PKHD1: variants seen among roughly 807,000 people sequenced by gnomAD.
PKHD1 encodes the protein PKHD1 ciliary IPT domain containing fibrocystin/polyductin, also known as fibrocystin.
PKHD1 carries 291 observed loss-of-function variants against 412.0 expected under a neutral mutation model. That is an observed-to-expected ratio of 0.71 (90% CI 0.64 to 0.78). PKHD1 has a LOEUF of 0.78. Among genes scored for constraint, PKHD1 ranks in the 30% least tolerant of loss-of-function variants. PKHD1 has a pLI of 0.00. For synonymous variants in PKHD1, 1,777 were observed against 1,821.5 expected, an observed-to-expected ratio of 0.98 and a Z score of 0.62; for missense variants, 4,825 against 4,950.7, an observed-to-expected ratio of 0.97 and a Z score of 0.76.
rs558621489 is a variant in PKHD1 at position 51,638,253 on chromosome 6, T to C, written c.11506+596A>G. 5.3e-5 allele frequency among the ~76,000 whole-genome samples: 8 copies of C among 152,330 alleles called. No homozygotes were observed. In the East Asian group the frequency reaches 1.5e-3, roughly 29 times the overall value. ...GATCACTATCTCCCAAATGCTCTTTTAATTAGTTTTCTTATCTTCTGATTT... is the reference window on the plus strand; with the variant it reads ...GATCACTATCTCCCAAATGCTCTTTCAATTAGTTTTCTTATCTTCTGATTT... On this transcript the variant is annotated intron_variant, in intron 64 of 66. Transcript: ENST00000371117.
At chr6:51,628,193 C>T (rs1234536309) in intron 65 of PKHD1, among the ~76,000 whole-genome samples, 1 of 152,008 alleles carries the variant, frequency 6.6e-6, no homozygotes, top group Non-Finnish European at 1.5e-5. Flanking sequence ...GAACATAGTA[C>T]CAAATAGGCA....
At chr6:51,677,941 T>C (rs1362434837) in intron 60 of PKHD1, among the ~76,000 whole-genome samples, 1 of 152,216 alleles carries the variant, frequency 6.6e-6, no homozygotes, top group Non-Finnish European at 1.5e-5. Context: ...ATAATTGTTT[T>C]ACTAGGGTAA....
chr6:51,676,141 T>C (rs1277635720), intron 60 of PKHD1, among the ~76,000 whole-genome samples: 1 of 151,422 alleles, frequency 6.6e-6, no homozygotes, highest in Non-Finnish European at 1.5e-5. Context: ...TTTGTGTCAA[T>C]ATTTGTCCTT....
chr6:51,675,075 ATCC>A (rs1481250262), intron 60 of PKHD1, among the ~76,000 whole-genome samples: 21 of 152,116 alleles, frequency 1.4e-4, no homozygotes, highest in Admixed American at 6.5e-5. Flanking sequence ...CCTTTAATCA[ATCC>A]TCCTATTTTA....
intron 52 of PKHD1, among the ~76,000 whole-genome samples, chr6:51,813,468 C>T (rs986698149): frequency 6.6e-6 from 1 of 152,046 alleles, no homozygotes; most frequent in African/African-American, 2.4e-5. Flanking sequence ...ATGCCATAGC[C>T]TTCTATGGCC....
rs1235586941 is a variant in PKHD1 at position 51,871,403 on chromosome 6, G to C, written c.7351-764C>G. Reference sequence around the variant, plus strand: ...TTAGATGAATCCCAATGGCATTCAGGAGTGAAGGAAGCCAGTCCCAAAAGG... The same window carrying C: ...TTAGATGAATCCCAATGGCATTCAGCAGTGAAGGAAGCCAGTCCCAAAAGG... On this transcript the variant is annotated intron_variant, in intron 46 of 66. Coordinates refer to ENST00000371117, the MANE Select transcript of PKHD1 (RefSeq NM_138694.4). Among the ~76,000 whole-genome samples, 2 of 65,826 alleles carry C rather than the reference G, an allele frequency of 3.0e-5. 1 individual carries two copies. The highest frequency in any genetic ancestry group is 8.5e-5 in the African/African-American group (2 of 23,664). The allele number at this position is 65,826 out of a possible 152,430, so 43.2% of individuals were successfully genotyped here.
At position 51,796,431 on chromosome 6, in the gene PKHD1, A is replaced by T. The variant is rs1241032756; in HGVS notation, c.8303-5058T>A. Among the ~76,000 whole-genome samples, 3 of 61,498 alleles carry T rather than the reference A, an allele frequency of 4.9e-5. No homozygotes were observed. The East Asian group carries it at 7.2e-3, about 147-fold the overall frequency. The allele number at this position is 61,498 out of a possible 152,430, so 40.3% of individuals were successfully genotyped here. On this transcript the variant is annotated intron_variant, in intron 52 of 66. Transcript: ENST00000371117. ...AATCTAGCTAGCAGTCTATTTAATT[A>T]GTTTTTTTTTCAAAAAAATCCTAGA...
At chr6:51,673,515 T>A (rs1775341392) in intron 60 of PKHD1, among the ~76,000 whole-genome samples, 1 of 152,244 alleles carries the variant, frequency 6.6e-6, no homozygotes, top group African/African-American at 2.4e-5. Context: ...GTTCTTTGCA[T>A]AGTCTTTGTT....
rs201432731 is a variant in PKHD1, at chr6:52,050,242, C to T, written c.2194G>A (p.Val732Ile). 1.9e-6 allele frequency: 3 copies of T among 1,614,222 alleles called. No homozygotes were observed. Among genetic ancestry groups the T allele is most frequent in the Non-Finnish European group, 2.5e-6 (3 of 1,180,014 alleles). The change falls in exon 22 of 67, where the codon GTC becomes ATC. Residue 732 changes from valine (V) to isoleucine (I), a missense_variant. Coordinates refer to ENST00000371117, the MANE Select transcript of PKHD1 (RefSeq NM_138694.4). ...ACCGGAGGGGATCCCACCACAGAGA[C>T]TGATTCCACCAGATTGCCCCCTGGG... ...ARPGGNLVES[V>I]SVVGSPPVYS... is the part of the protein sequence containing the mutation.
intron 35 of PKHD1, among the ~76,000 whole-genome samples, chr6:51,990,200 T>C (rs1374468169): frequency 6.6e-6 from 1 of 151,912 alleles, no homozygotes; most frequent in South Asian, 2.1e-4. Flanking sequence ...TATCAAAGAT[T>C]TTTTTAAAAA....
At chr6:51,887,338 A>C in intron 43 of PKHD1, 93 bp from the exon 44 acceptor site, 3 of 799,164 alleles carry the variant, frequency 3.8e-6, no homozygotes. Context: ...TCCCAATTTT[A>C]TATTCACTTT....
intron 63 of PKHD1, among the ~76,000 whole-genome samples, 182 bp downstream of exon 63, chr6:51,647,849 G>T (rs759637516): frequency 3.4e-4 from 52 of 152,172 alleles, no homozygotes; most frequent in Non-Finnish European, 6.5e-4. Flanking sequence ...AGGATTTGCT[G>T]CCAGCCTAAT....
chr6:51,814,251 T>C (rs1197778079), intron 52 of PKHD1, among the ~76,000 whole-genome samples: 1 of 152,174 alleles, frequency 6.6e-6, no homozygotes, highest in African/African-American at 2.4e-5. Context: ...ACCAGGTACA[T>C]ACACTAGGAG....
In PKHD1 at chr6:51,874,907, C is replaced by A. The variant is rs1433921754; in HGVS notation, c.7351-4268G>T. Among the ~76,000 whole-genome samples, 2 of 88,936 alleles carry A rather than the reference C, an allele frequency of 2.2e-5. 1 individual carries two copies. Among genetic ancestry groups the A allele is most frequent in the Non-Finnish European group, 4.1e-5 (2 of 48,478 alleles). 58.3% of individuals were successfully genotyped at this position (88,936 alleles called of 152,430 possible). ...GTGGGCGCAGGCCAGTGTGTGTGCG[C>A]ACCGTGCGCGAGCCGAAGCAGGGCG... On this transcript the variant is annotated intron_variant, in intron 46 of 66. Coordinates refer to ENST00000371117, the MANE Select transcript of PKHD1 (RefSeq NM_138694.4).
rs1219616008 is a variant in PKHD1, at chr6:51,626,992, C to T, written c.11785+5G>A. 1.2e-6 allele frequency: 2 copies of T among 1,613,250 alleles called. No homozygotes were observed. Among genetic ancestry groups the T allele is most frequent in the Admixed American group, 3.3e-5 (2 of 59,970 alleles). On this transcript the variant is annotated splice_donor_5th_base_variant and intron_variant, in intron 66 of 66. Coordinates refer to ENST00000371117, the MANE Select transcript of PKHD1 (RefSeq NM_138694.4). The stretch of plus-strand genomic sequence containing the variant: ...GTGGGGATCATCTCCACCCTCCAAG[C>T]TTACCTTCTCCCACCACAGTGTCTT...
chr6:51,864,240 G>A (rs1201083753), intron 48 of PKHD1, among the ~76,000 whole-genome samples: 1 of 152,142 alleles, frequency 6.6e-6, no homozygotes, highest in Non-Finnish European at 1.5e-5. Context: ...AGCAGGACAC[G>A]GAAGCTCCAT....
chr6:51,801,098 G>A (rs1326573), intron 52 of PKHD1, among the ~76,000 whole-genome samples: 89,881 of 151,980 alleles, frequency 0.59, 27,233 homozygotes, highest in East Asian at 0.83. Context: ...CAAAGTGACT[G>A]CTTTAAATAT....
At position 52,028,349 on chromosome 6, in the gene PKHD1, C is replaced by A; in HGVS notation, c.3367G>T (p.Gly1123Cys). 6.2e-7 allele frequency: 1 copy of A among 1,613,280 alleles called. No individual in the cohort carries two copies. Among genetic ancestry groups the A allele is most frequent in the Non-Finnish European group, 8.5e-7 (1 of 1,179,892 alleles). ...LSRNISNIAG[G>C]ETLVIGVARL... ...GCCACTCCAATGACCAGGGTCTCAC[C>A]GCCTGTGTTGAGAAGAATCCAATAG... The change falls in exon 30 of 67, where the codon GGT (glycine) becomes TGT (cysteine). Residue 1123 changes from glycine to cysteine, a missense_variant and splice_region_variant. Physicochemically the swap from Gly to Cys is radical, Grantham distance 159. Coordinates refer to ENST00000371117, the MANE Select transcript of PKHD1 (RefSeq NM_138694.4).
At chr6:51,930,702 A>G (rs1480478457) in intron 37 of PKHD1, among the ~76,000 whole-genome samples, 5 of 152,246 alleles carry the variant, frequency 3.3e-5, no homozygotes, top group Admixed American at 6.5e-5. Flanking sequence ...AATATTAGGA[A>G]CCAAATGTCT....
Sources: gnomAD v4.1 joint callset for allele counts (sites outside exome capture counted in the v4.1 genomes callset) on GRCh38, gnomAD v4.1.1 for gene constraint, MANE v1.5 for transcripts, NCBI Gene and HGNC (gene_info 2026-07-23, HGNC 2026-07-21) for gene names.